The following CDH18 variants were observed in gnomAD, a reference collection of about 807,000 sequenced individuals.
The protein encoded by CDH18 is cadherin-18.
In CDH18, 31 loss-of-function variants were observed where a neutral mutation model predicts 67.9. That is an observed-to-expected ratio of 0.46 (90% CI 0.34 to 0.62). CDH18 has a LOEUF of 0.62. Ranked by LOEUF, CDH18 falls within the 20% of genes least tolerant of loss-of-function variation. The pLI is 0.01. For synonymous variants in CDH18, 362 were observed against 347.2 expected (o/e 1.04, Z -0.48); for missense variants, 890 against 975.5 (o/e 0.91, Z 1.17).
At chr5:20,112,302 C>A (rs1046458326) in intron 2 of CDH18, among the ~76,000 whole-genome samples, 6 of 152,140 alleles carry the variant, frequency 3.9e-5, no homozygotes, top group African/African-American at 1.4e-4. Flanking sequence ...TAAAAAACAA[C>A]TATTCATGAC....
rs1554054958 is a variant in CDH18 at position 19,593,707 on chromosome 5, C to CCTT, written c.812-2466_812-2464dup. 1.5e-3 allele frequency among the ~76,000 whole-genome samples: 49 copies of CCTT among 33,348 alleles called. 1 individual carries two copies. The highest frequency in any genetic ancestry group is 3.5e-3 in the South Asian group (2 of 574). 21.9% of individuals were successfully genotyped at this position (33,348 alleles called of 152,430 possible). On this transcript the variant is annotated intron_variant, in intron 6 of 12. Coordinates refer to ENST00000382275, the MANE Select transcript of CDH18 (RefSeq NM_004934.5). The stretch of plus-strand genomic sequence containing the variant: ...TCCTTCTCTTCCTCTTCCTCCTCCT[C>CCTT]CTTCTTCTTCTTCTTCTTCTTCTTC...
chr5:20,536,686 A>G (rs1756746358), intron 1 of CDH18, among the ~76,000 whole-genome samples: 1 of 152,172 alleles, frequency 6.6e-6, no homozygotes, highest in Admixed American at 6.6e-5. Context: ...AAGGCTTTCA[A>G]CTTAGAGAAA....
intron 2 of CDH18, among the ~76,000 whole-genome samples, chr5:19,950,702 G>C (rs1001334411): frequency 6.6e-6 from 1 of 152,130 alleles, no homozygotes; most frequent in East Asian, 1.9e-4. Flanking sequence ...AGAAATAATT[G>C]AAAGTATTTA....
intron 1 of CDH18, among the ~76,000 whole-genome samples, chr5:20,347,067 G>C (rs1445231583): frequency 6.6e-6 from 1 of 152,216 alleles, no homozygotes; most frequent in East Asian, 1.9e-4. Context: ...TTGTTAAGGG[G>C]TGCTAAGACC....
At chr5:20,425,095 C>T (rs986191513) in intron 1 of CDH18, among the ~76,000 whole-genome samples, 8 of 151,074 alleles carry the variant, frequency 5.3e-5, no homozygotes, top group African/African-American at 1.5e-4. Flanking sequence ...AGGCTGGGCA[C>T]GGTGACTCAC....
At chr5:20,302,548 G>A (rs868072600) in intron 1 of CDH18, among the ~76,000 whole-genome samples, 2 of 152,090 alleles carry the variant, frequency 1.3e-5, no homozygotes, top group South Asian at 4.1e-4. Flanking sequence ...TCAAAACACT[G>A]AAAGTCGAGC....
chr5:19,964,115 C>T (rs2150313698), intron 2 of CDH18, among the ~76,000 whole-genome samples: 1 of 152,126 alleles, frequency 6.6e-6, no homozygotes, highest in Non-Finnish European at 1.5e-5. Flanking sequence ...AGCTAAAACA[C>T]AGATTTTTAA....
At chr5:20,209,960 A>G (rs1192993971) in intron 2 of CDH18, among the ~76,000 whole-genome samples, 1 of 151,498 alleles carries the variant, frequency 6.6e-6, no homozygotes, top group East Asian at 1.9e-4. Flanking sequence ...TTCATATATC[A>G]TATATAATTT....
chr5:19,782,062 A>G (rs1049267136), intron 3 of CDH18, among the ~76,000 whole-genome samples: 28 of 152,174 alleles, frequency 1.8e-4, no homozygotes, highest in African/African-American at 6.5e-4. Flanking sequence ...GCAAAAATAA[A>G]AAAAAGCAAA....
chr5:20,467,015 T>C (rs945674529), intron 1 of CDH18, among the ~76,000 whole-genome samples: 1 of 152,068 alleles, frequency 6.6e-6, no homozygotes, highest in Non-Finnish European at 1.5e-5. Flanking sequence ...GAATTGAAGA[T>C]CGCCTGGCAA....
At chr5:19,882,908 T>C (rs915794428) in intron 2 of CDH18, among the ~76,000 whole-genome samples, 6 of 152,174 alleles carry the variant, frequency 3.9e-5, no homozygotes, top group Non-Finnish European at 8.8e-5. Context: ...TTTGGATGCA[T>C]TTTTGTTATC....
At chr5:20,334,152 T>TTTTTTTTTTTTTTTG (rs1739469248) in intron 1 of CDH18, among the ~76,000 whole-genome samples, 1 of 69,096 alleles carries the variant, frequency 1.4e-5, no homozygotes, top group African/African-American at 4.8e-5. Context: ...TTTTTTTTTT[T>TTTTTTTTTTTTTTTG]GAGACGGAGT....
rs183556854 is a variant in CDH18, at chr5:19,908,748, G to C, written c.-256-69506C>G. 1.4e-4 allele frequency among the ~76,000 whole-genome samples: 22 copies of C among 152,280 alleles called. 1 individual carries two copies. In the East Asian group the frequency reaches 3.9e-3, roughly 27 times the overall value. On this transcript the variant is annotated intron_variant, in intron 2 of 12. Transcript: ENST00000382275. Reference sequence around the variant, plus strand: ...ATTGCTTCCAAGTAAGCAGTGGTATGAGGATGAACATTCATAATGATTAAA... The same window carrying C: ...ATTGCTTCCAAGTAAGCAGTGGTATCAGGATGAACATTCATAATGATTAAA...
intron 7 of CDH18, among the ~76,000 whole-genome samples, chr5:19,578,377 C>A (rs1282386027): frequency 1.3e-5 from 2 of 152,102 alleles, no homozygotes; most frequent in African/African-American, 4.8e-5. Context: ...ATTCAGAAAT[C>A]AGTTTATGTG....
chr5:19,787,601 T>C (rs1329476263), intron 3 of CDH18, among the ~76,000 whole-genome samples: 2 of 152,002 alleles, frequency 1.3e-5, no homozygotes, highest in Non-Finnish European at 2.9e-5. Flanking sequence ...TGACCCAAGC[T>C]TGGATCTAAG....
chr5:20,515,760 C>A (rs1352302343), intron 1 of CDH18, among the ~76,000 whole-genome samples: 1 of 152,002 alleles, frequency 6.6e-6, no homozygotes, highest in African/African-American at 2.4e-5. Flanking sequence ...GCAGTTTCCC[C>A]AAAATGCATG....
intron 6 of CDH18, among the ~76,000 whole-genome samples, chr5:19,603,311 A>G (rs1747466244): frequency 6.6e-6 from 1 of 152,186 alleles, no homozygotes; most frequent in Non-Finnish European, 1.5e-5. Flanking sequence ...CTAGAACAGT[A>G]AAATTCATAG....
At chr5:20,412,127 T>C (rs1562044454) in intron 1 of CDH18, among the ~76,000 whole-genome samples, 2 of 152,124 alleles carry the variant, frequency 1.3e-5, no homozygotes, top group South Asian at 4.1e-4. Flanking sequence ...TACAGACTTA[T>C]AACTATACTA....
At chr5:20,403,987 C>T (rs1402969056) in intron 1 of CDH18, among the ~76,000 whole-genome samples, 3 of 152,188 alleles carry the variant, frequency 2.0e-5, no homozygotes, top group African/African-American at 7.2e-5. Context: ...TTCTGGATAA[C>T]TTGTTGCAGC....
Sources: allele counts gnomAD v4.1 joint callset (sites outside exome capture counted in the v4.1 genomes callset), GRCh38; gene constraint gnomAD v4.1.1; transcripts MANE v1.5; gene names NCBI Gene and HGNC (gene_info 2026-07-23, HGNC 2026-07-21).